Variants in ROBO1 observed in about 807,000 individuals in gnomAD.
ROBO1 encodes the protein roundabout homolog 1.
Under a neutral mutation model 195.9 loss-of-function variants are expected in ROBO1, and 149 were observed. The observed-to-expected ratio is 0.76, with a 90% CI of 0.67 to 0.87. ROBO1 has a LOEUF of 0.87. Among genes scored for constraint, ROBO1 ranks in the 40% least tolerant of loss-of-function variants. ROBO1 has a pLI of 0.00. For synonymous variants in ROBO1, 816 were observed against 733.2 expected (o/e 1.11, Z -1.82); for missense variants, 1,933 against 2,068.3 (o/e 0.93, Z 1.27).
At chr3:79,651,313 G>A (rs1283196083) in intron 1 of ROBO1, among the ~76,000 whole-genome samples, 1 of 151,942 alleles carries the variant, frequency 6.6e-6, no homozygotes, top group East Asian at 1.9e-4. Flanking sequence ...TATGCAAAAT[G>A]TTACATTTAA....
chr3:79,550,164 A>G (rs368422740), intron 2 of ROBO1, among the ~76,000 whole-genome samples: 1,668 of 112,996 alleles, frequency 0.015, 112 homozygotes, highest in African/African-American at 0.051. Context: ...AGAAAGAAAG[A>G]AAGGAAGAAA....
At chr3:78,973,634 T>C (rs1038592542) in intron 3 of ROBO1, among the ~76,000 whole-genome samples, 4 of 148,314 alleles carry the variant, frequency 2.7e-5, no homozygotes, top group African/African-American at 9.8e-5. Context: ...AAGGTAAACT[T>C]TTTTGCAATC....
chr3:79,515,997 A>G (rs1341278844), intron 2 of ROBO1, among the ~76,000 whole-genome samples: 1 of 152,218 alleles, frequency 6.6e-6, no homozygotes, highest in African/African-American at 2.4e-5. Context: ...AGCTTTAACA[A>G]GGAAAAGGAA....
At chr3:79,440,475 G>A (rs1434186864) in intron 2 of ROBO1, among the ~76,000 whole-genome samples, 2 of 152,082 alleles carry the variant, frequency 1.3e-5, no homozygotes, top group East Asian at 3.9e-4. Flanking sequence ...GCTCGACTAA[G>A]ATGGCAAATG....
intron 4 of ROBO1, among the ~76,000 whole-genome samples, chr3:78,817,619 GA>G (rs570055389): frequency 6.6e-6 from 1 of 151,886 alleles, no homozygotes. Context: ...CTTATGAGAA[GA>G]AAAAAATCAG....
chr3:79,423,615 AT>A (rs906252836), intron 2 of ROBO1, among the ~76,000 whole-genome samples: 5 of 151,792 alleles, frequency 3.3e-5, no homozygotes, highest in Admixed American at 6.6e-5. Flanking sequence ...GACTCATCAC[AT>A]TTTTTTTGGC....
intron 2 of ROBO1, among the ~76,000 whole-genome samples, chr3:79,282,824 G>A (rs547519372): frequency 1.6e-4 from 24 of 152,240 alleles, no homozygotes; most frequent in Non-Finnish European, 3.1e-4. Context: ...ATAATTTAAA[G>A]CCGTAAAACC....
chr3:79,238,832 C>G (rs1221000001), intron 2 of ROBO1, among the ~76,000 whole-genome samples: 3 of 152,150 alleles, frequency 2.0e-5, no homozygotes, highest in Non-Finnish European at 4.4e-5. Context: ...GCTCAGTATC[C>G]CTGCTTTGCT....
intron 2 of ROBO1, among the ~76,000 whole-genome samples, chr3:79,464,488 G>A (rs1433997119): frequency 6.6e-6 from 1 of 151,948 alleles, no homozygotes; most frequent in Non-Finnish European, 1.5e-5. Flanking sequence ...ATCTCGTTTG[G>A]GTTTGGAATT....
At chr3:78,956,165 T>C (rs1334452206) in intron 3 of ROBO1, among the ~76,000 whole-genome samples, 1 of 152,142 alleles carries the variant, frequency 6.6e-6, no homozygotes, top group Non-Finnish European at 1.5e-5. Context: ...TTAGTAAATA[T>C]TTAAATGAGT....
Position 79,599,600 on chromosome 3 carries a change from C to T in ROBO1, c.-50-9639G>A, listed in dbSNP as rs1186822957. ...CGATGGCAAATCAAACTTACAAATC[C>T]TTAGGGGTAGGGGGCGGGAGAAAAA... On this transcript the variant is annotated intron_variant, in intron 1 of 30. Transcript: ENST00000464233. 4.0e-5 allele frequency among the ~76,000 whole-genome samples: 6 copies of T among 151,722 alleles called. No homozygotes were observed. The South Asian group carries it at 6.2e-4, about 16-fold the overall frequency.
intron 4 of ROBO1, among the ~76,000 whole-genome samples, chr3:78,836,314 C>A (rs921133784): frequency 1.1e-4 from 17 of 152,042 alleles, no homozygotes; most frequent in African/African-American, 3.9e-4. Flanking sequence ...AGATAGAGAC[C>A]ATCCTGGCTA....
intron 4 of ROBO1, among the ~76,000 whole-genome samples, chr3:78,854,573 ACTT>A (rs147604117): frequency 0.051 from 7,750 of 151,784 alleles, 399 homozygotes; most frequent in African/African-American, 0.14. Context: ...ATACATTTTA[ACTT>A]CTTCTTTATT....
intron 2 of ROBO1, among the ~76,000 whole-genome samples, chr3:79,576,360 C>T (rs568317525): frequency 6.6e-6 from 1 of 152,052 alleles, no homozygotes; most frequent in African/African-American, 2.4e-5. Flanking sequence ...CACCCATCTA[C>T]AATTTTCAAT....
At chr3:79,397,186 CT>C (rs1429128200) in intron 2 of ROBO1, among the ~76,000 whole-genome samples, 2 of 150,944 alleles carry the variant, frequency 1.3e-5, no homozygotes, top group Non-Finnish European at 3.0e-5. Context: ...TTTTGGAAGA[CT>C]TGCAGATATG....
At chr3:78,724,078 G>C (rs1333879345) in intron 5 of ROBO1, among the ~76,000 whole-genome samples, 1 of 152,082 alleles carries the variant, frequency 6.6e-6, no homozygotes, top group Non-Finnish European at 1.5e-5. Context: ...CACTGCCTCA[G>C]GGATGATAGA....
At chr3:79,337,241 G>A (rs2034714069) in intron 2 of ROBO1, among the ~76,000 whole-genome samples, 1 of 152,152 alleles carries the variant, frequency 6.6e-6, no homozygotes, top group South Asian at 2.1e-4. Context: ...GAGGACATGA[G>A]ATTTGGGAGG....
At chr3:79,535,989 A>T (rs1425680824) in intron 2 of ROBO1, among the ~76,000 whole-genome samples, 2 of 152,062 alleles carry the variant, frequency 1.3e-5, no homozygotes. Context: ...CTTTCCCTGG[A>T]TCTATGCCTG....
intron 2 of ROBO1, among the ~76,000 whole-genome samples, chr3:79,298,025 G>A (rs2032686455): frequency 6.6e-6 from 1 of 152,068 alleles, no homozygotes; most frequent in Non-Finnish European, 1.5e-5. Flanking sequence ...TTCACTATAT[G>A]TGAAATAATT....
Sources: allele counts gnomAD v4.1 joint callset (sites outside exome capture counted in the v4.1 genomes callset), GRCh38; gene constraint gnomAD v4.1.1; transcripts MANE v1.5; gene names NCBI Gene and HGNC (gene_info 2026-07-23, HGNC 2026-07-21).